The following AK8 variants were observed in gnomAD, a reference collection of about 807,000 sequenced individuals.
AK8 encodes adenylate kinase 8, also known as ATP-AMP transphosphorylase 8.
Under a neutral mutation model 54.6 loss-of-function variants are expected in AK8, and 44 were observed. The ratio of observed to expected loss-of-function variants is 0.81; its 90% confidence interval spans 0.63 to 1.04. The LOEUF is 1.04. Among genes scored for constraint, AK8 ranks in the 50% least tolerant of loss-of-function variants. The pLI, the probability that AK8 is intolerant of heterozygous loss-of-function variation, is 0.00. For synonymous variants in AK8, 239 were observed against 245.6 expected, an observed-to-expected ratio of 0.97 and a Z score of 0.25; for missense variants, 555 against 613.6, an observed-to-expected ratio of 0.90 and a Z score of 1.01.
chr9:132,878,356 C>A (rs1844252083), upstream of AK8: 4 of 1,256,486 alleles, frequency 3.2e-6, no homozygotes, highest in Non-Finnish European at 4.0e-6. This position sits in a 1 kb window ranked among gnomAD's most constrained non-coding sequence, Gnocchi z 4.7. Flanking sequence ...GCAGGCTCCG[C>A]GCCGGGCCCA....
chr9:132,863,613 G>A, intron 4 of AK8, 52 bp downstream of exon 4: 3 of 1,264,966 alleles, frequency 2.4e-6, no homozygotes, highest in South Asian at 1.2e-5. Context: ...AGTGGGTGTG[G>A]CAGTGGGCAC....
upstream of AK8, chr9:132,878,412 C>T (rs1302599704): frequency 4.9e-6 from 6 of 1,236,836 alleles, no homozygotes; most frequent in Non-Finnish European, 6.1e-6. The surrounding 1 kb of genome is among the most constrained non-coding windows in gnomAD (Gnocchi z 4.7). Context: ...CCCGACCTCC[C>T]CGGCTGACGC....
At chr9:132,833,198 ATCT>A (rs1842179573) in intron 5 of AK8, among the ~76,000 whole-genome samples, 3 of 152,294 alleles carry the variant, frequency 2.0e-5, no homozygotes, top group South Asian at 4.1e-4. Flanking sequence ...CTCAGAAAAG[ATCT>A]TCTTTCCCAG....
intron 9 of AK8, among the ~76,000 whole-genome samples, chr9:132,815,375 G>A (rs758305765): frequency 6.6e-6 from 1 of 152,124 alleles, no homozygotes; most frequent in Non-Finnish European, 1.5e-5. Flanking sequence ...CCAACATGGT[G>A]AAAATCCGTT....
At chr9:132,832,999 G>A (rs1192608734) in intron 5 of AK8, among the ~76,000 whole-genome samples, 1 of 152,144 alleles carries the variant, frequency 6.6e-6, no homozygotes, top group African/African-American at 2.4e-5. Flanking sequence ...AAGCCCTCGA[G>A]CAGCACCCAG....
intron 11 of AK8, among the ~76,000 whole-genome samples, chr9:132,753,133 G>A (rs1838026440): frequency 2.0e-5 from 3 of 152,192 alleles, no homozygotes; most frequent in African/African-American, 7.2e-5. Flanking sequence ...GGGGAATCAC[G>A]CCGCATTCCC....
chr9:132,756,133 T>C (rs964939429), intron 11 of AK8, among the ~76,000 whole-genome samples: 4 of 152,212 alleles, frequency 2.6e-5, no homozygotes, highest in African/African-American at 9.6e-5. Context: ...TTGCCACCTT[T>C]ACAGACACTA....
chr9:132,812,186 A>T (rs986597349), intron 10 of AK8, among the ~76,000 whole-genome samples: 1 of 144,784 alleles, frequency 6.9e-6, no homozygotes, highest in Non-Finnish European at 1.5e-5. Flanking sequence ...ATGCTTGAGG[A>T]TGCAACAGGT....
intron 11 of AK8, among the ~76,000 whole-genome samples, chr9:132,773,383 C>G (rs1182972906): frequency 6.6e-6 from 1 of 152,182 alleles, no homozygotes; most frequent in African/African-American, 2.4e-5. Flanking sequence ...AACACACCAC[C>G]CTGTCCTCTC....
At chr9:132,876,936 C>T (rs1441323287) in intron 1 of AK8, among the ~76,000 whole-genome samples, 1 of 151,978 alleles carries the variant, frequency 6.6e-6, no homozygotes, top group Non-Finnish European at 1.5e-5. Flanking sequence ...TGGTGGCCTG[C>T]ACCTGTAGTC....
At chr9:132,755,165 C>T (rs549880578) in intron 11 of AK8, among the ~76,000 whole-genome samples, 35 of 152,302 alleles carry the variant, frequency 2.3e-4, no homozygotes, top group African/African-American at 8.4e-4. Context: ...GCTGTCATGC[C>T]AGAATATTTG....
intron 11 of AK8, among the ~76,000 whole-genome samples, chr9:132,732,333 GTATCTTCTATGGCATTCAGGATTA>G (rs1401159633): frequency 1.7e-4 from 26 of 152,050 alleles, no homozygotes; most frequent in South Asian, 2.1e-4. Context: ...ATTCAGGATT[GTATCTTCTATGGCATTCAGGATTA>G]TATCTTCTAT....
intron 1 of AK8, among the ~76,000 whole-genome samples, chr9:132,876,930 G>A (rs1453431469): frequency 6.6e-6 from 1 of 152,044 alleles, no homozygotes. Context: ...CAGGTATGGT[G>A]GCCTGCACCT....
chr9:132,804,515 C>T (rs1166752472), intron 10 of AK8, among the ~76,000 whole-genome samples: 2 of 152,034 alleles, frequency 1.3e-5, no homozygotes, highest in African/African-American at 4.8e-5. Context: ...GAAGGAGTTC[C>T]CCTTCCCCTG....
intron 11 of AK8, among the ~76,000 whole-genome samples, chr9:132,782,201 C>T (rs571036400): frequency 6.6e-6 from 1 of 152,252 alleles, no homozygotes; most frequent in East Asian, 1.9e-4. Flanking sequence ...TGCTTTTCCT[C>T]CCTGTGTTGG....
In AK8 at chr9:132,837,503, C is replaced by T. The variant is rs1842374141; in HGVS notation, c.403-8777G>A. Among the ~76,000 whole-genome samples, 1 of 151,982 alleles carries T rather than the reference C, an allele frequency of 6.6e-6. No homozygotes were observed. The highest frequency in any genetic ancestry group is 2.4e-5 in the African/African-American group (1 of 41,364). On this transcript the variant is annotated intron_variant, in intron 5 of 12. Transcript: ENST00000298545. This position sits in a 1 kb window ranked among gnomAD's most constrained non-coding sequence, Gnocchi z 4.3. ...GGTCCAGTCCCGTTCCCATCATCTC[C>T]GTGCCTCTCAATACTCTCTCCTGCT...
chr9:132,755,768 A>ATT (rs5900991), intron 11 of AK8, among the ~76,000 whole-genome samples: 13 of 143,744 alleles, frequency 9.0e-5, no homozygotes, highest in African/African-American at 3.1e-4. Flanking sequence ...CAACTCTCAG[A>ATT]TTTTTTTTTT....
intron 11 of AK8, among the ~76,000 whole-genome samples, chr9:132,758,437 C>CT (rs1321834242): frequency 3.3e-5 from 5 of 151,416 alleles, no homozygotes; most frequent in East Asian, 1.9e-4. Context: ...TTTCCATTTT[C>CT]TTTTTTTTTG....
chr9:132,878,213 G>A lies in AK8; in HGVS notation c.43C>T (p.Pro15Ser). ...IAPHRIPPEM[P>S]QYGEENHIFE... is the part of the protein sequence containing the mutation. ...ATGTGGTTCTCCTCCCCGTACTGGG[G>A]CATCTCGGGGGGGATACGGTGCGGG... The change falls in exon 1 of 13, where the codon CCC (proline) becomes TCC (serine). Residue 15 changes from proline to serine, a missense_variant. Transcript: ENST00000298545. This position sits in a 1 kb window ranked among gnomAD's most constrained non-coding sequence, Gnocchi z 4.7. The A allele has an allele frequency of 2.0e-6, 3 of 1,465,412 alleles. No individual in the cohort carries two copies. The highest frequency in any genetic ancestry group is 2.4e-5 in the Admixed American group (1 of 40,976). The allele number at this position is 1,465,412 out of a possible 1,614,324, so 90.8% of individuals were successfully genotyped here. A position where few individuals can be genotyped will look rare whatever the true frequency, so the allele number is the denominator to read the frequency against.
Sources: gnomAD v4.1 joint callset for allele counts (sites outside exome capture counted in the v4.1 genomes callset) on GRCh38, gnomAD v4.1.1 for gene constraint, Gnocchi (gnomAD v3.1) non-coding constraint, MANE v1.5 for transcripts, NCBI Gene and HGNC (gene_info 2026-07-23, HGNC 2026-07-21) for gene names.